Variants in TENM2 observed in about 807,000 individuals in gnomAD.
TENM2 encodes the protein teneurin-2.
TENM2 carries 52 observed loss-of-function variants against 245.2 expected under a neutral mutation model. The observed-to-expected ratio is 0.21, with a 90% CI of 0.17 to 0.27. The LOEUF (loss-of-function observed/expected upper bound fraction) is 0.27, where lower values mean the gene tolerates loss of function less well. TENM2 is among the 10% of genes least tolerant of loss of function. The pLI is 1.00. For synonymous variants in TENM2, 1,363 were observed against 1,438.9 expected (o/e 0.95, Z 1.19); for missense variants, 3,046 against 3,666.8 (o/e 0.83, Z 4.37).
At chr5:168,030,958 CTT>C (rs1327456634) in intron 5 of TENM2, among the ~76,000 whole-genome samples, 3 of 152,248 alleles carry the variant, frequency 2.0e-5, no homozygotes, top group African/African-American at 7.2e-5. Flanking sequence ...TACTGAGACT[CTT>C]TTTGTGGTAA....
intron 2 of TENM2, among the ~76,000 whole-genome samples, chr5:167,777,062 A>G (rs2150807292): frequency 6.6e-6 from 1 of 152,362 alleles, no homozygotes; most frequent in South Asian, 2.1e-4. Flanking sequence ...AAGTTTGAGA[A>G]TAAACACAAT....
At chr5:168,075,494 A>G (rs1055673979) in intron 7 of TENM2, among the ~76,000 whole-genome samples, 2 of 152,142 alleles carry the variant, frequency 1.3e-5, no homozygotes, top group African/African-American at 2.4e-5. Context: ...ATAGAGGACA[A>G]TGCCACCACC....
At chr5:167,249,577 G>A in the TENM2 span, among the ~76,000 whole-genome samples, 2 of 152,072 alleles carry the variant, frequency 1.3e-5, no homozygotes, top group African/African-American at 2.4e-5. Context: ...TTTGGGGATG[G>A]TACGTTCATT....
intron 2 of TENM2, among the ~76,000 whole-genome samples, chr5:167,746,710 A>AGAGAGCGAGC (rs1554109883): frequency 5.5e-5 from 8 of 144,974 alleles, no homozygotes; most frequent in Non-Finnish European, 7.6e-5. Context: ...AGAGAGAGAG[A>AGAGAGCGAGC]GAGAGCTGGA....
chr5:167,777,976 C>T (rs1748423748), intron 2 of TENM2, among the ~76,000 whole-genome samples: 1 of 152,148 alleles, frequency 6.6e-6, no homozygotes, highest in African/African-American at 2.4e-5. Flanking sequence ...GGAACATAGC[C>T]CTGCCATTCA....
At chr5:167,258,924 T>C in the TENM2 span, among the ~76,000 whole-genome samples, 3 of 152,154 alleles carry the variant, frequency 2.0e-5, no homozygotes, top group African/African-American at 4.8e-5. Context: ...CAAGAATAGA[T>C]AGCAACTTAA....
chr5:167,408,369 A>G (rs1028275523), intron 2 of TENM2, among the ~76,000 whole-genome samples: 3 of 152,088 alleles, frequency 2.0e-5, no homozygotes, highest in Non-Finnish European at 2.9e-5. Context: ...TGAACTGAGG[A>G]TCTCTTTGGC....
chr5:167,738,699 G>A (rs1459974715), intron 2 of TENM2, among the ~76,000 whole-genome samples: 1 of 152,142 alleles, frequency 6.6e-6, no homozygotes, highest in East Asian at 1.9e-4. Context: ...GGTGTCAGCA[G>A]GTGTGGTTTT....
chr5:168,252,365 C>CAAAAA (rs35385737), intron 27 of TENM2, among the ~76,000 whole-genome samples: 1 of 115,326 alleles, frequency 8.7e-6, no homozygotes. Flanking sequence ...GACCCTGTCT[C>CAAAAA]AAAAAAAAAA....
At chr5:167,051,253 T>G in the TENM2 span, among the ~76,000 whole-genome samples, 1 of 152,142 alleles carries the variant, frequency 6.6e-6, no homozygotes, top group Admixed American at 6.5e-5. Context: ...AACTTTTGTT[T>G]GGATTCAAAT....
chr5:167,945,988 G>A (rs544988577), intron 3 of TENM2, among the ~76,000 whole-genome samples: 53 of 152,248 alleles, frequency 3.5e-4, no homozygotes, highest in African/African-American at 1.2e-3. Context: ...TGCAGCTTGC[G>A]ACAGCAGTGA....
the TENM2 span, among the ~76,000 whole-genome samples, chr5:167,058,937 C>T: frequency 6.6e-6 from 1 of 152,090 alleles, no homozygotes. Flanking sequence ...TTCAAATATA[C>T]AAGAAAAGAC....
At chr5:167,437,747 G>A (rs749746451) in intron 2 of TENM2, among the ~76,000 whole-genome samples, 3 of 152,068 alleles carry the variant, frequency 2.0e-5, no homozygotes, top group Non-Finnish European at 2.9e-5. Context: ...TGAGTCTCAC[G>A]AGATCTGATG....
the TENM2 span, among the ~76,000 whole-genome samples, chr5:167,164,326 A>G: frequency 1.3e-5 from 2 of 152,218 alleles, no homozygotes; most frequent in Non-Finnish European, 2.9e-5. Flanking sequence ...ATTTTGCTGT[A>G]AGCACATGAG....
chr5:167,631,440 G>A (rs1056647571), intron 2 of TENM2, among the ~76,000 whole-genome samples: 2 of 152,134 alleles, frequency 1.3e-5, no homozygotes, highest in Non-Finnish European at 2.9e-5. Context: ...CCTGTTGGGC[G>A]TGTCCAGAAA....
intron 7 of TENM2, among the ~76,000 whole-genome samples, chr5:168,068,064 C>T (rs1433641285): frequency 6.6e-6 from 1 of 152,118 alleles, no homozygotes; most frequent in Non-Finnish European, 1.5e-5. Flanking sequence ...GGACAGACCC[C>T]TTCTGGTTAG....
At chr5:167,525,118 G>A (rs1368330943) in intron 2 of TENM2, among the ~76,000 whole-genome samples, 1 of 152,030 alleles carries the variant, frequency 6.6e-6, no homozygotes, top group Non-Finnish European at 1.5e-5. Flanking sequence ...CAAATCAAGT[G>A]CATAAATTAC....
chr5:167,205,432 A>G, the TENM2 span, among the ~76,000 whole-genome samples: 1 of 152,148 alleles, frequency 6.6e-6, no homozygotes, highest in Non-Finnish European at 1.5e-5. Context: ...CTTTGCTTCC[A>G]ATAATAGTTC....
In TENM2 at chr5:167,640,860, C is replaced by CATATATATATATATATATATAT. The variant is rs58985992; in HGVS notation, c.503-235101_503-235080dup. ...ATATATCCATATATATATATATATC[C>CATATATATATATATATATATAT]ATATATATATATATATATATATATA... On this transcript the variant is annotated intron_variant, in intron 2 of 28. Coordinates refer to ENST00000518659, the Ensembl canonical transcript of TENM2. 8.7e-4 allele frequency among the ~76,000 whole-genome samples: 41 copies of CATATATATATATATATATATAT among 47,394 alleles called. 5 individuals carry two copies. The highest frequency in any genetic ancestry group is 1.8e-3 in the Non-Finnish European group (28 of 15,550). The allele number at this position is 47,394 out of a possible 152,430, so 31.1% of individuals were successfully genotyped here.
Sources: gnomAD v4.1 joint callset for allele counts (sites outside exome capture counted in the v4.1 genomes callset) on GRCh38, gnomAD v4.1.1 for gene constraint, MANE v1.5 for transcripts, NCBI Gene and HGNC (gene_info 2026-07-23, HGNC 2026-07-21) for gene names.